The following CCDC66 variants were observed in gnomAD, a reference collection of about 807,000 sequenced individuals.
CCDC66 encodes the protein coiled-coil domain-containing protein 66.
Under a neutral mutation model 128.3 loss-of-function variants are expected in CCDC66, and 133 were observed. The observed-to-expected ratio is 1.04, with a 90% confidence interval of 0.90 to 1.20. The LOEUF is 1.20. Among genes scored for constraint, CCDC66 ranks in the 50% most tolerant of loss-of-function variants. The pLI, the probability that CCDC66 is intolerant of heterozygous loss-of-function variation, is 0.00. For synonymous variants in CCDC66, 387 were observed against 357.0 expected, an observed-to-expected ratio of 1.08 and a Z score of -0.95; for missense variants, 1,126 against 1,075.5, an observed-to-expected ratio of 1.05 and a Z score of -0.66.
In CCDC66 at chr3:56,564,224, C is replaced by G. The variant is rs1165691480; in HGVS notation, c.544+99C>G. ...TTTATGTAACTGTGACTCTTAAACT[C>G]TAATTTAACCTGTCAATCTATTAAA... is the stretch of plus-strand genomic sequence containing the variant. On this transcript the variant is annotated intron_variant, in intron 4 of 17. Coordinates refer to ENST00000394672, the MANE Select transcript of CCDC66 (RefSeq NM_001141947.3). The G allele has an allele frequency of 8.8e-6, 7 of 796,898 alleles. No individual in the cohort carries two copies. In the African/African-American group the frequency reaches 1.0e-4, roughly 12 times the overall value. The allele number at this position is 796,898 out of a possible 1,614,324, so 49.4% of individuals were successfully genotyped here.
chr3:56,586,246 C>T (rs1403865790), intron 7 of CCDC66, among the ~76,000 whole-genome samples: 3 of 151,954 alleles, frequency 2.0e-5, no homozygotes, highest in Middle Eastern at 3.4e-3. Flanking sequence ...CTAAAGTAAC[C>T]GGCCAGGCGT....
At chr3:56,618,097 TAGCCCTAAAAATA>T in intron 14 of CCDC66, 62 bp from the exon 15 acceptor site, 2 of 1,117,858 alleles carry the variant, frequency 1.8e-6, no homozygotes, top group Non-Finnish European at 2.7e-6. Context: ...TTTCAACAAG[TAGCCCTAAAAATA>T]TTTGTGGGGA....
At chr3:56,616,983 G>A (rs905129441) in intron 13 of CCDC66, 129 bp from the exon 14 acceptor site, 11 of 726,932 alleles carry the variant, frequency 1.5e-5, no homozygotes, top group South Asian at 2.3e-5. Context: ...ATAGAGGTTC[G>A]GTTTTGTTGA....
intron 10 of CCDC66, among the ~76,000 whole-genome samples, chr3:56,613,216 C>T (rs958553453): frequency 1.3e-5 from 2 of 152,142 alleles, no homozygotes; most frequent in African/African-American, 2.4e-5. Flanking sequence ...CTCCAGGTAA[C>T]GCCCTGTTAG....
chr3:56,616,051 CAG>C lies in CCDC66; in HGVS notation c.1842_1843del (p.Asp615Ter). The C allele has an allele frequency of 6.3e-7, 1 of 1,580,842 alleles. No individual in the cohort carries two copies. Among genetic ancestry groups the C allele is most frequent in the South Asian group, 1.2e-5 (1 of 85,332 alleles). ...TCTAAGAAGGATACTGGTGTGCAAA[CAG>C]GTATTTGTGTGGAAATTGTGGTTTG... On this transcript the variant is annotated frameshift_variant and splice_region_variant, in exon 13 of 18. Transcript: ENST00000394672. LOFTEE classifies it high-confidence loss of function.
In CCDC66 at chr3:56,617,217, T is replaced by C. The variant is rs200443655; in HGVS notation, c.1949T>C (p.Ile650Thr). 6.1e-5 allele frequency: 98 copies of C among 1,613,666 alleles called. No individual in the cohort carries two copies. The highest frequency in any genetic ancestry group is 1.8e-4 in the East Asian group (8 of 44,862). Residue 650 changes from isoleucine to threonine, a missense_variant, in exon 14 of 18, where the codon ATT (isoleucine) becomes ACT (threonine). By Grantham distance (89) the Ile-to-Thr change is moderately conservative. Transcript: ENST00000394672. Reference sequence around the variant, plus strand: ...TCTCCTGAGATTTCGGCAGAACTTATTGGACAGTTTAGCACCAAGAAAAAC... The same window carrying C: ...TCTCCTGAGATTTCGGCAGAACTTACTGGACAGTTTAGCACCAAGAAAAAC... ...CSSPEISAEL[I>T]GQFSTKKNKQ... is the part of the protein sequence containing the mutation.
intron 6 of CCDC66, among the ~76,000 whole-genome samples, chr3:56,567,650 G>C (rs1490485667): frequency 6.6e-6 from 1 of 152,054 alleles, no homozygotes; most frequent in African/African-American, 2.4e-5. Context: ...ATTATGGGAG[G>C]GGGAGGAGAG....
intron 7 of CCDC66, among the ~76,000 whole-genome samples, chr3:56,585,202 C>T (rs183944410): frequency 6.6e-6 from 1 of 151,788 alleles, no homozygotes; most frequent in African/African-American, 2.4e-5. Context: ...TTTTTATCTA[C>T]TCATATCTTA....
intron 10 of CCDC66, among the ~76,000 whole-genome samples, chr3:56,599,590 T>G (rs760849640): frequency 6.6e-6 from 1 of 152,044 alleles, no homozygotes; most frequent in African/African-American, 2.4e-5. Context: ...TATGTTGGGT[T>G]TAAATTTTCA....
chr3:56,597,721 T>C (rs1470686358), intron 10 of CCDC66, among the ~76,000 whole-genome samples: 2 of 151,100 alleles, frequency 1.3e-5, no homozygotes, highest in Non-Finnish European at 1.5e-5. Flanking sequence ...TCTGCAACTT[T>C]ACTGAATTTA....
intron 5 of CCDC66, 46 bp downstream of exon 5, chr3:56,566,805 A>G (rs540810613): frequency 1.9e-6 from 3 of 1,571,154 alleles, no homozygotes; most frequent in Non-Finnish European, 2.6e-6. Flanking sequence ...TCTTCAGAAT[A>G]TGGTTTTGCT....
In CCDC66 at chr3:56,587,741, C is replaced by T. The variant is rs574234254; in HGVS notation, c.937-5229C>T. On this transcript the variant is annotated intron_variant, in intron 7 of 17. Coordinates refer to ENST00000394672, the MANE Select transcript of CCDC66 (RefSeq NM_001141947.3). ...AAAATTAGCCAGGCGTGGTAGCAGGCGCCTGTAATCCCAGCTACTCAGGAG... is the reference window on the plus strand; with the variant it reads ...AAAATTAGCCAGGCGTGGTAGCAGGTGCCTGTAATCCCAGCTACTCAGGAG... 5.9e-5 allele frequency among the ~76,000 whole-genome samples: 9 copies of T among 152,170 alleles called. No homozygotes were observed. In the South Asian group the frequency reaches 6.2e-4, roughly 11 times the overall value.
chr3:56,557,220 T>C lies in CCDC66; in HGVS notation c.-23T>C. On this transcript the variant is annotated 5_prime_UTR_variant, in exon 1 of 18. Transcript: ENST00000394672. Reference sequence around the variant, plus strand: ...GTACACAAGGGGCTTGAGCGTTCTGTGGAGAGAGTGCGAGGTCAGGCCATG... The same window carrying C: ...GTACACAAGGGGCTTGAGCGTTCTGCGGAGAGAGTGCGAGGTCAGGCCATG... 1.3e-6 allele frequency: 2 copies of C among 1,549,846 alleles called. No homozygotes were observed. The highest frequency in any genetic ancestry group is 1.7e-6 in the Non-Finnish European group (2 of 1,146,672).
Position 56,580,498 on chromosome 3 carries a change from C to G in CCDC66, c.936+9196C>G, listed in dbSNP as rs940478530. On this transcript the variant is annotated intron_variant, in intron 7 of 17. Transcript: ENST00000394672. ...GCTCATTAGTTGATGCAGTTTCTTC[C>G]TAGCCTCGATGGTCTTTACAATTTG... Among the ~76,000 whole-genome samples, 4 of 151,736 alleles carry G rather than the reference C, an allele frequency of 2.6e-5. 1 individual carries two copies. In the Admixed American group the frequency reaches 2.6e-4, roughly 10 times the overall value.
chr3:56,565,963 G>A (rs942073016), intron 4 of CCDC66, among the ~76,000 whole-genome samples: 7 of 152,190 alleles, frequency 4.6e-5, no homozygotes, highest in African/African-American at 1.7e-4. Context: ...ACCGTGCCTG[G>A]CCAGTTTTTA....
rs758767947 is a variant in CCDC66, at chr3:56,615,972, CATG to C, written c.1765_1767del (p.Asp589del). On this transcript the variant is annotated inframe_deletion, in exon 13 of 18. Transcript: ENST00000394672. ...TGCATCTAACATTTCAAATTCAAGA[CATG>C]ATTCTGATGAAATCAGTGGTAAAAT... is the stretch of plus-strand genomic sequence containing the variant. The C allele has an allele frequency of 6.3e-6, 10 of 1,598,550 alleles. No individual in the cohort carries two copies. The highest frequency in any genetic ancestry group is 7.7e-6 in the Non-Finnish European group (9 of 1,171,266).
intron 7 of CCDC66, among the ~76,000 whole-genome samples, chr3:56,587,677 C>A (rs2070049393): frequency 6.6e-6 from 1 of 152,122 alleles, no homozygotes; most frequent in Non-Finnish European, 1.5e-5. Flanking sequence ...TCGAGACCAG[C>A]CTGGCTAATA....
chr3:56,592,870 A>G lies in CCDC66; in HGVS notation c.937-100A>G. 3 of 1,179,988 alleles carry G rather than the reference A, an allele frequency of 2.5e-6. No homozygotes were observed. The South Asian group carries it at 4.2e-5, about 16-fold the overall frequency. The allele number at this position is 1,179,988 out of a possible 1,614,324, so 73.1% of individuals were successfully genotyped here. On this transcript the variant is annotated intron_variant, in intron 7 of 17. Coordinates refer to ENST00000394672, the MANE Select transcript of CCDC66 (RefSeq NM_001141947.3). ...TGCTCCTCTTACAGATAAATGCCTC[A>G]GTGGATTAAATCTGTATGTTACTTT...
At position 56,566,889 on chromosome 3, in the gene CCDC66, T is replaced by G. The variant is rs1015514273; in HGVS notation, c.711-61T>G. 2.0e-6 allele frequency: 3 copies of G among 1,492,658 alleles called. No homozygotes were observed. In the African/African-American group the frequency reaches 4.2e-5, roughly 21 times the overall value. 92.5% of individuals were successfully genotyped at this position (1,492,658 alleles called of 1,614,324 possible). A position where few individuals can be genotyped will look rare whatever the true frequency, so the allele number is the denominator to read the frequency against. ...TTAAAAGCTTATTACTTAATATTTA[T>G]GGAGTCAGTTGTGTAGAAATGTATG... is the stretch of plus-strand genomic sequence containing the variant. On this transcript the variant is annotated intron_variant, in intron 5 of 17. Coordinates refer to ENST00000394672, the MANE Select transcript of CCDC66 (RefSeq NM_001141947.3).
Sources: allele counts gnomAD v4.1 joint callset (sites outside exome capture counted in the v4.1 genomes callset), GRCh38; gene constraint gnomAD v4.1.1; transcripts MANE v1.5; gene names NCBI Gene and HGNC (gene_info 2026-07-23, HGNC 2026-07-21).